The following SH3RF3 variants were observed in gnomAD, a reference collection of about 807,000 sequenced individuals.
SH3RF3 encodes the protein SH3 domain containing ring finger 3.
In SH3RF3, 29 loss-of-function variants were observed where a neutral mutation model predicts 66.3. The observed-to-expected ratio is 0.44, with a 90% CI of 0.33 to 0.60. The LOEUF (loss-of-function observed/expected upper bound fraction) is 0.60, where lower values mean the gene tolerates loss of function less well. Ranked by LOEUF, SH3RF3 falls within the 20% of genes least tolerant of loss-of-function variation. SH3RF3 has a pLI of 0.04. For missense variants in SH3RF3, 1,194 were observed against 1,190.9 expected (o/e 1.00, Z -0.04); for synonymous variants, 583 against 532.0 (o/e 1.10, Z -1.32).
chr2:109,499,897 G>C (rs943821844), intron 9 of SH3RF3, among the ~76,000 whole-genome samples: 1 of 152,212 alleles, frequency 6.6e-6, no homozygotes, highest in African/African-American at 2.4e-5. Context: ...GCTGAGCTCA[G>C]GTTCAATTGG....
chr2:109,424,375 C>T (rs532678161), intron 5 of SH3RF3, among the ~76,000 whole-genome samples: 1 of 152,348 alleles, frequency 6.6e-6, no homozygotes, highest in South Asian at 2.1e-4. Context: ...CTGGGCATCC[C>T]TGGACCCTGT....
intron 5 of SH3RF3, among the ~76,000 whole-genome samples, chr2:109,430,947 C>T (rs1224781547): frequency 6.6e-6 from 1 of 152,210 alleles, no homozygotes; most frequent in African/African-American, 2.4e-5. Flanking sequence ...TAGCCAAGGT[C>T]ATTGAATGAG....
chr2:109,198,790 A>T (rs1222562827), intron 1 of SH3RF3, among the ~76,000 whole-genome samples: 1 of 152,228 alleles, frequency 6.6e-6, no homozygotes, highest in East Asian at 1.9e-4. Flanking sequence ...TAGGAAGTAC[A>T]GCCTTTGACA....
intron 1 of SH3RF3, among the ~76,000 whole-genome samples, chr2:109,143,388 A>G (rs1054839701): frequency 1.3e-5 from 2 of 152,318 alleles, no homozygotes; most frequent in Admixed American, 6.5e-5. Flanking sequence ...TCATTTCAGC[A>G]TTATTCACAG....
chr2:109,279,618 C>T (rs1190020695), intron 1 of SH3RF3, among the ~76,000 whole-genome samples: 7 of 152,220 alleles, frequency 4.6e-5, no homozygotes, highest in Non-Finnish European at 1.0e-4. Context: ...CTTTCTTCCC[C>T]ACCCCTTCAC....
chr2:109,312,640 G>T (rs1194222607), intron 1 of SH3RF3, among the ~76,000 whole-genome samples: 1 of 152,136 alleles, frequency 6.6e-6, no homozygotes, highest in East Asian at 1.9e-4. Context: ...ATGGCCCTTT[G>T]GTCTAGCTTC....
At chr2:109,297,685 C>T in intron 1 of SH3RF3, among the ~76,000 whole-genome samples, 1 of 150,274 alleles carries the variant, frequency 6.7e-6, no homozygotes, top group Admixed American at 6.6e-5. Flanking sequence ...TTCCACTGGG[C>T]CAATGCCCCC....
At chr2:109,236,244 C>T (rs1331885435) in intron 1 of SH3RF3, among the ~76,000 whole-genome samples, 2 of 152,204 alleles carry the variant, frequency 1.3e-5, no homozygotes, top group Non-Finnish European at 2.9e-5. Flanking sequence ...CTTTGGACCT[C>T]TTATTAATGA....
At chr2:109,345,629 T>G (rs533088578) in intron 1 of SH3RF3, among the ~76,000 whole-genome samples, 1 of 152,304 alleles carries the variant, frequency 6.6e-6, no homozygotes, top group East Asian at 1.9e-4. Flanking sequence ...TCAAAACTGC[T>G]CGCCTTGATG....
In SH3RF3 at chr2:109,419,561, C is replaced by G; in HGVS notation, c.1322C>G (p.Ser441Cys). The change falls in exon 5 of 10, where the codon TCT becomes TGT. Residue 441 changes from serine to cysteine, a missense_variant. Physicochemically the swap from Ser to Cys is moderately radical, Grantham distance 112. Coordinates refer to ENST00000309415, the MANE Select transcript of SH3RF3 (RefSeq NM_001099289.3). ...PTQDVSSSAG[S>C]TPTAVPRAAS... ...CAGGATGTCTCCTCCTCGGCGGGAT[C>G]TACCCCCACGGCTGTCCCACGGGCT... The G allele has an allele frequency of 3.8e-6, 6 of 1,598,322 alleles. No homozygotes were observed. Among genetic ancestry groups the G allele is most frequent in the Non-Finnish European group, 5.1e-6 (6 of 1,173,206 alleles).
At chr2:109,219,311 A>G (rs1679175183) in intron 1 of SH3RF3, among the ~76,000 whole-genome samples, 2 of 151,758 alleles carry the variant, frequency 1.3e-5, no homozygotes, top group Non-Finnish European at 2.9e-5. Context: ...GTGTAATTAC[A>G]TAAGGTTTCT....
intron 1 of SH3RF3, among the ~76,000 whole-genome samples, chr2:109,216,338 C>CA (rs1345116573): frequency 6.6e-6 from 1 of 152,218 alleles, no homozygotes; most frequent in Non-Finnish European, 1.5e-5. Flanking sequence ...ACCTTGAGGA[C>CA]AGTGTTTCCA....
chr2:109,336,119 G>T (rs544569358), intron 1 of SH3RF3, among the ~76,000 whole-genome samples: 13 of 152,256 alleles, frequency 8.5e-5, no homozygotes, highest in African/African-American at 2.2e-4. Context: ...ATTTTAGGAA[G>T]TTCAAAAATA....
chr2:109,168,849 G>A (rs545498187), intron 1 of SH3RF3, among the ~76,000 whole-genome samples: 37 of 152,294 alleles, frequency 2.4e-4, no homozygotes, highest in African/African-American at 8.9e-4. Context: ...AGTGAGAGTT[G>A]TCTTTGGAAA....
At chr2:109,501,082 G>A (rs2104417461) in intron 9 of SH3RF3, among the ~76,000 whole-genome samples, 1 of 152,296 alleles carries the variant, frequency 6.6e-6, no homozygotes, top group Non-Finnish European at 1.5e-5. Context: ...GAGAGGTGAG[G>A]ACACGAGCCC....
intron 4 of SH3RF3, among the ~76,000 whole-genome samples, chr2:109,413,709 C>T (rs1376374733): frequency 6.6e-6 from 1 of 152,242 alleles, no homozygotes; most frequent in African/African-American, 2.4e-5. Context: ...CTCCACACAG[C>T]ATAGACATGT....
chr2:109,415,632 C>A (rs941818194), intron 4 of SH3RF3, among the ~76,000 whole-genome samples: 1 of 152,150 alleles, frequency 6.6e-6, no homozygotes, highest in Non-Finnish European at 1.5e-5. Flanking sequence ...TGCCTGTCCT[C>A]CAGGGACGCC....
chr2:109,339,300 T>C (rs1358053789), intron 1 of SH3RF3, among the ~76,000 whole-genome samples: 1 of 151,898 alleles, frequency 6.6e-6, no homozygotes, highest in Non-Finnish European at 1.5e-5. Flanking sequence ...GGGGGTAACA[T>C]GAAAGTAATG....
At chr2:109,413,994 G>T (rs1676659951) in intron 4 of SH3RF3, among the ~76,000 whole-genome samples, 1 of 152,222 alleles carries the variant, frequency 6.6e-6, no homozygotes. Flanking sequence ...TAGGTCCTTG[G>T]CTTCCTTGGC....
Sources: allele counts gnomAD v4.1 joint callset (sites outside exome capture counted in the v4.1 genomes callset), GRCh38; gene constraint gnomAD v4.1.1; transcripts MANE v1.5; gene names NCBI Gene and HGNC (gene_info 2026-07-23, HGNC 2026-07-21).